Variants in PTPN4 observed in about 807,000 individuals in gnomAD.
PTPN4 encodes protein tyrosine phosphatase non-receptor type 4, also known as tyrosine-protein phosphatase non-receptor type 4.
Under a neutral mutation model 135.5 loss-of-function variants are expected in PTPN4, and 49 were observed. The observed-to-expected ratio is 0.36, with a 90% CI of 0.29 to 0.46. The LOEUF is 0.46. Ranked by LOEUF, PTPN4 falls within the 20% of genes least tolerant of loss-of-function variation. PTPN4 has a pLI of 1.00. For missense variants in PTPN4, 860 were observed against 1,101.0 expected (o/e 0.78, Z 3.10); for synonymous variants, 333 against 369.9 (o/e 0.90, Z 1.14).
chr2:119,850,367 T>G (rs1349645679), intron 2 of PTPN4, among the ~76,000 whole-genome samples: 1 of 152,226 alleles, frequency 6.6e-6, no homozygotes, highest in Non-Finnish European at 1.5e-5. Context: ...CAAGGGTGAT[T>G]AGGGCTCAGT....
intron 1 of PTPN4, among the ~76,000 whole-genome samples, chr2:119,770,716 A>C (rs1294115788): frequency 6.6e-6 from 1 of 151,692 alleles, no homozygotes; most frequent in Non-Finnish European, 1.5e-5. Context: ...TATTGTATAG[A>C]TATACTATTA....
rs1679664437 is a variant in PTPN4, at chr2:119,979,683, TCC to T, written c.*2614_*2615del. The T allele has an allele frequency of 1.3e-5, 2 of 152,254 alleles. No individual in the cohort carries two copies. The highest frequency in any genetic ancestry group is 6.5e-5 in the Admixed American group (1 of 15,280). 9.4% of individuals were successfully genotyped at this position (152,254 alleles called of 1,614,324 possible). On this transcript the variant is annotated 3_prime_UTR_variant, in exon 27 of 27. Coordinates refer to ENST00000263708, the MANE Select transcript of PTPN4 (RefSeq NM_002830.4). ...TTTCATACACCATGTAGTTCTAGAC[TCC>T]GTCCATATCAGTGTAACATTGTGTG...
At chr2:119,968,331 A>G (rs1409984384) in intron 26 of PTPN4, among the ~76,000 whole-genome samples, 1 of 152,208 alleles carries the variant, frequency 6.6e-6, no homozygotes, top group Non-Finnish European at 1.5e-5. Flanking sequence ...GTTGCCTGGC[A>G]TATTAAATCT....
At chr2:119,914,673 T>C (rs1678625601) in intron 10 of PTPN4, among the ~76,000 whole-genome samples, 1 of 152,190 alleles carries the variant, frequency 6.6e-6, no homozygotes, top group Non-Finnish European at 1.5e-5. Flanking sequence ...TTTACTGTGT[T>C]ACTTATTTTA....
chr2:119,789,091 C>CTT (rs547900319), intron 1 of PTPN4, among the ~76,000 whole-genome samples: 26 of 142,696 alleles, frequency 1.8e-4, no homozygotes, highest in African/African-American at 5.4e-4. Flanking sequence ...TTTCTTTTTT[C>CTT]TTTTTTTTTT....
intron 3 of PTPN4, among the ~76,000 whole-genome samples, chr2:119,869,898 C>G (rs527482600): frequency 6.6e-6 from 1 of 152,174 alleles, no homozygotes; most frequent in South Asian, 2.1e-4. Context: ...GGAAAACTTA[C>G]CAAAAAGGTG....
At chr2:119,862,028 A>G (rs991071115) in intron 2 of PTPN4, among the ~76,000 whole-genome samples, 1 of 152,226 alleles carries the variant, frequency 6.6e-6, no homozygotes, top group Admixed American at 6.5e-5. Flanking sequence ...TTAGCCAAAT[A>G]TGTCACTTTC....
At chr2:119,935,895 A>G (rs949389970) in intron 15 of PTPN4, among the ~76,000 whole-genome samples, 2 of 152,240 alleles carry the variant, frequency 1.3e-5, no homozygotes, top group African/African-American at 4.8e-5. Context: ...CCTAATTATT[A>G]CAAACCAAAA....
intron 15 of PTPN4, among the ~76,000 whole-genome samples, chr2:119,937,404 C>T (rs1396302141): frequency 6.6e-6 from 1 of 151,798 alleles, no homozygotes; most frequent in Non-Finnish European, 1.5e-5. Flanking sequence ...TAAGTGAGTA[C>T]AGGAGGTTGC....
chr2:119,762,660 T>A (rs2104914025), intron 1 of PTPN4, among the ~76,000 whole-genome samples: 1 of 152,236 alleles, frequency 6.6e-6, no homozygotes, highest in African/African-American at 2.4e-5. Flanking sequence ...CGTGGAAATC[T>A]TGTTTGGTGT....
intron 2 of PTPN4, among the ~76,000 whole-genome samples, chr2:119,859,410 G>T (rs529849444): frequency 1.4e-4 from 21 of 152,290 alleles, no homozygotes; most frequent in Non-Finnish European, 2.9e-4. Flanking sequence ...TAGCATACAG[G>T]TCTTGGCTTA....
chr2:119,878,689 CTTT>C (rs74600465), intron 5 of PTPN4, among the ~76,000 whole-genome samples: 8 of 129,812 alleles, frequency 6.2e-5, no homozygotes, highest in African/African-American at 5.7e-5. Context: ...GCAGGTGTTC[CTTT>C]TTTTTTTTTT....
In PTPN4 at chr2:119,977,126, G is replaced by T; in HGVS notation, c.*56G>T. 6.6e-7 allele frequency: 1 copy of T among 1,520,934 alleles called. No individual in the cohort carries two copies. The highest frequency in any genetic ancestry group is 8.8e-7 in the Non-Finnish European group (1 of 1,140,594). The allele number at this position is 1,520,934 out of a possible 1,614,324, so 94.2% of individuals were successfully genotyped here. On this transcript the variant is annotated 3_prime_UTR_variant, in exon 27 of 27. Coordinates refer to ENST00000263708, the MANE Select transcript of PTPN4 (RefSeq NM_002830.4). Reference sequence around the variant, plus strand: ...AAAACTGCTTTCCCTTATGTTCACTGTGCCATAATGCTGCTCGCAGGAAAT... The same window carrying T: ...AAAACTGCTTTCCCTTATGTTCACTTTGCCATAATGCTGCTCGCAGGAAAT...
chr2:119,859,471 C>T (rs897034669), intron 2 of PTPN4, among the ~76,000 whole-genome samples: 10 of 152,152 alleles, frequency 6.6e-5, no homozygotes, highest in African/African-American at 1.7e-4. Flanking sequence ...TGTTAAGTGT[C>T]CTATCCAGGA....
intron 10 of PTPN4, among the ~76,000 whole-genome samples, chr2:119,903,265 A>T (rs1162215881): frequency 6.6e-6 from 1 of 152,130 alleles, no homozygotes; most frequent in African/African-American, 2.4e-5. Context: ...GTACAGCTGC[A>T]TGTGCCTTTG....
At chr2:119,888,418 T>G (rs919266266) in intron 9 of PTPN4, among the ~76,000 whole-genome samples, 1 of 152,172 alleles carries the variant, frequency 6.6e-6, no homozygotes, top group African/African-American at 2.4e-5. Flanking sequence ...ATCCTTGTCT[T>G]TTTCCAGTTC....
At chr2:119,909,799 T>C (rs376639550) in intron 10 of PTPN4, among the ~76,000 whole-genome samples, 216 of 152,140 alleles carry the variant, frequency 1.4e-3, no homozygotes, top group African/African-American at 4.6e-3. Context: ...CCAACCCTCA[T>C]AGATGACTTT....
At chr2:119,920,993 AC>A (rs1271391015) in intron 12 of PTPN4, among the ~76,000 whole-genome samples, 2 of 152,130 alleles carry the variant, frequency 1.3e-5, no homozygotes, top group Non-Finnish European at 2.9e-5. Context: ...GATAAATAAA[AC>A]CCTTGGCCAG....
At chr2:119,859,271 A>G (rs1677725029) in intron 2 of PTPN4, among the ~76,000 whole-genome samples, 1 of 151,742 alleles carries the variant, frequency 6.6e-6, no homozygotes, top group Non-Finnish European at 1.5e-5. Flanking sequence ...GTGTTTTCTT[A>G]TTCTAGTTGG....
Sources: allele counts gnomAD v4.1 joint callset (sites outside exome capture counted in the v4.1 genomes callset), GRCh38; gene constraint gnomAD v4.1.1; transcripts MANE v1.5; gene names NCBI Gene and HGNC (gene_info 2026-07-23, HGNC 2026-07-21).